The following MAGEB17 variants were observed in gnomAD, a reference collection of about 807,000 sequenced individuals.
MAGEB17 encodes melanoma-associated antigen B17.
For missense variants in MAGEB17, 251 were observed against 281.4 expected, an observed-to-expected ratio of 0.89 and a Z score of 0.77; for synonymous variants, 110 against 112.4, an observed-to-expected ratio of 0.98 and a Z score of 0.13.
In MAGEB17 at chrX:16,171,458, T is replaced by C. The variant is rs982445393; in HGVS notation, c.*65T>C. On this transcript the variant is annotated 3_prime_UTR_variant, in exon 2 of 2. Coordinates refer to ENST00000400004, the MANE Select transcript of MAGEB17 (RefSeq NM_001277307.2). ...TGTCCACCATCTCAGTATTTGGGGGTGAGGTGGGGAGCCCAAGACGTGTCT... is the reference window on the plus strand; with the variant it reads ...TGTCCACCATCTCAGTATTTGGGGGCGAGGTGGGGAGCCCAAGACGTGTCT... 7 of 1,052,567 alleles carry C rather than the reference T, an allele frequency of 6.7e-6. No individual in the cohort carries two copies. The highest frequency in any genetic ancestry group is 8.6e-6 in the Non-Finnish European group (7 of 817,634). The allele number at this position is 1,052,567 out of a possible 1,213,427, so 86.7% of individuals were successfully genotyped here.
chrX:16,169,698 C>T (rs988130619), intron 1 of MAGEB17, among the ~76,000 whole-genome samples: 4 of 111,375 alleles, frequency 3.6e-5, no homozygotes, highest in Non-Finnish European at 7.6e-5. Flanking sequence ...ATAGAGGGCC[C>T]CTCACTTCTA....
chrX:16,170,997 C>A lies in MAGEB17; in HGVS notation c.615C>A (p.Leu205=). The change falls in exon 2 of 2, where the codon CTC becomes CTA. Residue 205 remains leucine (L), a synonymous_variant. Coordinates refer to ENST00000400004, the MANE Select transcript of MAGEB17 (RefSeq NM_001277307.2). ...CCCTGAGCGGGCTCCTGATGGTTCT[C>A]CTGAGCACCATCTTCATGCATGGCA... ...GFPLSGLLMV[L]LSTIFMHGNR... 1 of 1,166,619 alleles carries A rather than the reference C, an allele frequency of 8.6e-7. No homozygotes were observed. The highest frequency in any genetic ancestry group is 2.3e-4 in the Middle Eastern group (1 of 4,307).
chrX:16,170,204 C>A, intron 1 of MAGEB17, 130 bp from the exon 2 acceptor site: 1 of 949,385 alleles, frequency 1.1e-6, no homozygotes, highest in Non-Finnish European at 1.4e-6. Flanking sequence ...CCCCAGGGGA[C>A]AGGCTGCCCT....
At chrX:16,168,520 ACT>A (rs755852609) in intron 1 of MAGEB17, among the ~76,000 whole-genome samples, 50 of 111,570 alleles carry the variant, frequency 4.5e-4, no homozygotes, top group African/African-American at 1.6e-3. Flanking sequence ...GGCCTGGCTG[ACT>A]CAGGTCAGTG....
chrX:16,168,353 A>G (rs1922985896), intron 1 of MAGEB17, among the ~76,000 whole-genome samples: 1 of 110,671 alleles, frequency 9.0e-6, no homozygotes, highest in East Asian at 2.9e-4. Context: ...CAAAGAAAAA[A>G]AAAAAAAAGG....
chrX:16,171,037 G>A lies in MAGEB17; in HGVS notation c.655G>A (p.Glu219Lys), dbSNP rs1400040648. 1 of 1,168,028 alleles carries A rather than the reference G, an allele frequency of 8.6e-7. No individual in the cohort carries two copies. The highest frequency in any genetic ancestry group is 1.8e-5 in the African/African-American group (1 of 55,921). ...CATGCATGGCAACCGTGCCACTGAG[G>A]AAGAGATGTGGGAATGCCTGAATGC... ...IFMHGNRATE[E>K]EMWECLNALG... Residue 219 changes from glutamate to lysine, a missense_variant, in exon 2 of 2, where the codon GAA (glutamate) becomes AAA (lysine). Glu to Lys is a moderately conservative substitution (Grantham distance 56, BLOSUM62 1). Coordinates refer to ENST00000400004, the MANE Select transcript of MAGEB17 (RefSeq NM_001277307.2).
rs920637969 is a variant in MAGEB17, at chrX:16,170,976, G to A, written c.594G>A (p.Leu198=). ...TGAGCGATGGCGGGGGCTTTCCCCT[G>A]AGCGGGCTCCTGATGGTTCTCCTGA... The part of the protein sequence containing the change: ...GSLSDGGGFP[L]SGLLMVLLST... Residue 198 remains leucine, a synonymous_variant, in exon 2 of 2, where the codon CTG becomes CTA. Transcript: ENST00000400004. 4.3e-6 allele frequency: 5 copies of A among 1,165,723 alleles called. No individual in the cohort carries two copies. The African/African-American group carries it at 8.9e-5, about 21-fold the overall frequency.
intron 1 of MAGEB17, among the ~76,000 whole-genome samples, chrX:16,168,347 G>GA (rs59557128): frequency 0.38 from 34,070 of 90,851 alleles, 5,031 homozygotes; most frequent in African/African-American, 0.41. Context: ...CTGTCACAAA[G>GA]AAAAAAAAAA....
chrX:16,168,019 G>A (rs774893487), intron 1 of MAGEB17, among the ~76,000 whole-genome samples: 171 of 111,765 alleles, frequency 1.5e-3, no homozygotes, highest in Non-Finnish European at 2.3e-3. Flanking sequence ...GGTCCCTGAT[G>A]CTGATGAGGA....
Position 16,170,964 on chromosome X carries a change from G to A in MAGEB17, c.582G>A (p.Gly194=), listed in dbSNP as rs1923048202. 8.6e-7 allele frequency: 1 copy of A among 1,165,999 alleles called. No homozygotes were observed. Among genetic ancestry groups the A allele is most frequent in the Non-Finnish European group, 1.1e-6 (1 of 872,907 alleles). The stretch of plus-strand genomic sequence containing the variant: ...ATCAAGGAAGCTTGAGCGATGGCGG[G>A]GGCTTTCCCCTGAGCGGGCTCCTGA... ...FPNQGSLSDG[G]GFPLSGLLMV... Residue 194 remains glycine (G), a synonymous_variant, in exon 2 of 2, where the codon GGG becomes GGA. Coordinates refer to ENST00000400004, the MANE Select transcript of MAGEB17 (RefSeq NM_001277307.2).
At position 16,170,455 on chromosome X, in the gene MAGEB17, C is replaced by T. The variant is rs868415599; in HGVS notation, c.73C>T (p.Leu25Phe). 2 of 1,167,295 alleles carry T rather than the reference C, an allele frequency of 1.7e-6. No individual in the cohort carries two copies. Among genetic ancestry groups the T allele is most frequent in the Non-Finnish European group, 2.3e-6 (2 of 873,088 alleles). Residue 25 changes from leucine (L) to phenylalanine (F), a missense_variant, in exon 2 of 2, where the codon CTC (leucine) becomes TTC (phenylalanine). Physicochemically the swap from Leu to Phe is conservative, Grantham distance 22. Transcript: ENST00000400004. ...RRQARGEDQC[L>F]GGAQATAAEK... ...CCAGGCTCGAGGTGAAGACCAATGTCTCGGGGGTGCTCAAGCCACCGCAGC... is the reference window on the plus strand; with the variant it reads ...CCAGGCTCGAGGTGAAGACCAATGTTTCGGGGGTGCTCAAGCCACCGCAGC...
In MAGEB17 at chrX:16,171,237, A is replaced by AACCCAGGGCCC. The variant is rs1923059443; in HGVS notation, c.855_856insACCCAGGGCCC (p.Val286ThrfsTer28). ...CCCGTGCTGAAACCAGCAAAATGAA[A>AACCCAGGGCCC]GTCCTGGAGTTTGTGGCCAAGCTCA... On this transcript the variant is annotated frameshift_variant, in exon 2 of 2. Transcript: ENST00000400004. LOFTEE classifies it low-confidence loss of function (END_TRUNC). 1 of 1,208,057 alleles carries AACCCAGGGCCC rather than the reference A, an allele frequency of 8.3e-7. No individual in the cohort carries two copies. The highest frequency in any genetic ancestry group is 1.1e-6 in the Non-Finnish European group (1 of 894,494).
At chrX:16,167,874 CTCCCTCAGCCGCG>C (rs1359053897) in intron 1 of MAGEB17, 91 bp downstream of exon 1, 1 of 112,065 alleles carries the variant, frequency 8.9e-6, no homozygotes, top group Non-Finnish European at 1.9e-5. Context: ...GGGTACCCAC[CTCCCTCAGCCGCG>C]GGAGGCTCCA....
rs1355625446 is a variant in MAGEB17 at position 16,170,429 on chromosome X, G to A, written c.47G>A (p.Arg16His). The change falls in exon 2 of 2, where the codon CGC becomes CAC. Residue 16 changes from arginine to histidine, a missense_variant. Physicochemically the swap from Arg to His is conservative, Grantham distance 29. Transcript: ENST00000400004. Reference sequence around the variant, plus strand: ...AAGCGCCGTGCCCGTGAGAAACGCCGCCAGGCTCGAGGTGAAGACCAATGT... The same window carrying A: ...AAGCGCCGTGCCCGTGAGAAACGCCACCAGGCTCGAGGTGAAGACCAATGT... ...ASKRRAREKRRQARGEDQCLG... is the reference protein window; with the variant it reads ...ASKRRAREKRHQARGEDQCLG... 23 of 1,164,960 alleles carry A rather than the reference G, an allele frequency of 2.0e-5. No individual in the cohort carries two copies. Among genetic ancestry groups the A allele is most frequent in the Admixed American group, 2.6e-5 (1 of 38,569 alleles).
chrX:16,168,910 T>TA (rs3840972), intron 1 of MAGEB17: 32,445 of 107,959 alleles, frequency 0.3, 3,926 homozygotes, highest in Non-Finnish European at 0.36. Flanking sequence ...GGAGTGAAGG[T>TA]AAAAAAAACC....
At position 16,170,330 on chromosome X, in the gene MAGEB17, C is replaced by T; in HGVS notation, c.-49-4C>T. On this transcript the variant is annotated splice_polypyrimidine_tract_variant and splice_region_variant and intron_variant, in intron 1 of 1. Coordinates refer to ENST00000400004, the MANE Select transcript of MAGEB17 (RefSeq NM_001277307.2). ...GCTCACACACTCTGTTCCTCCTGCT[C>T]CAGGTGCCCACCTCCTGCACCCTCT... 1 of 1,124,188 alleles carries T rather than the reference C, an allele frequency of 8.9e-7. No homozygotes were observed. Among genetic ancestry groups the T allele is most frequent in the South Asian group, 2.2e-5 (1 of 46,499 alleles). The allele number at this position is 1,124,188 out of a possible 1,213,427, so 92.6% of individuals were successfully genotyped here. A position where few individuals can be genotyped will look rare whatever the true frequency, so the allele number is the denominator to read the frequency against.
chrX:16,169,153 G>A (rs1432870920), intron 1 of MAGEB17, among the ~76,000 whole-genome samples: 1 of 111,727 alleles, frequency 9.0e-6, no homozygotes, highest in Admixed American at 9.4e-5. Flanking sequence ...GGAGTCAAGG[G>A]GAGAACACTG....
In MAGEB17 at chrX:16,170,932, T is replaced by C. The variant is rs1475890345; in HGVS notation, c.550T>C (p.Phe184Leu). The part of the protein sequence containing the change: ...QSYVLVGKLD[F>L]PNQGSLSDGG... ...CTATGTGCTTGTTGGCAAGCTGGAC[T>C]TTCCCAATCAAGGAAGCTTGAGCGA... Residue 184 changes from phenylalanine (F) to leucine (L), a missense_variant, in exon 2 of 2, where the codon TTT becomes CTT. Phe to Leu is a conservative substitution (Grantham distance 22). Coordinates refer to ENST00000400004, the MANE Select transcript of MAGEB17 (RefSeq NM_001277307.2). 1.7e-6 allele frequency: 2 copies of C among 1,166,122 alleles called. No individual in the cohort carries two copies.
chrX:16,170,821 T>G lies in MAGEB17; in HGVS notation c.439T>G (p.Phe147Val), dbSNP rs1328106914. The G allele has an allele frequency of 8.6e-7, 1 of 1,167,371 alleles. No homozygotes were observed. The highest frequency in any genetic ancestry group is 2.6e-5 in the Admixed American group (1 of 38,815). Residue 147 changes from phenylalanine (F) to valine (V), a missense_variant, in exon 2 of 2, where the codon TTC becomes GTC. Physicochemically the swap from Phe to Val is conservative, Grantham distance 50. Transcript: ENST00000400004. Reference sequence around the variant, plus strand: ...TATCAACAGAAAGTACAAGCAGCACTTCCCTGAGATCCTCCGGAGAAGCAC... The same window carrying G: ...TATCAACAGAAAGTACAAGCAGCACGTCCCTGAGATCCTCCGGAGAAGCAC... ...KVINRKYKQH[F>V]PEILRRSTEN...
Sources: allele counts gnomAD v4.1 joint callset (sites outside exome capture counted in the v4.1 genomes callset), GRCh38; gene constraint gnomAD v4.1.1; transcripts MANE v1.5; gene names NCBI Gene and HGNC (gene_info 2026-07-23, HGNC 2026-07-21).